Variants in GSG1L observed in about 807,000 individuals in gnomAD.
GSG1L encodes germ cell-specific gene 1-like protein.
In GSG1L, 24 loss-of-function variants were observed where a neutral mutation model predicts 42.1. That is an observed-to-expected ratio of 0.57 (90% CI 0.41 to 0.80). GSG1L has a LOEUF of 0.80. Among genes scored for constraint, GSG1L ranks in the 30% least tolerant of loss-of-function variants. GSG1L has a pLI of 0.00. For missense variants in GSG1L, 445 were observed against 472.2 expected, an observed-to-expected ratio of 0.94 and a Z score of 0.53; for synonymous variants, 215 against 203.5, an observed-to-expected ratio of 1.06 and a Z score of -0.48.
At chr16:27,906,185 G>A (rs1458732296) in intron 2 of GSG1L, among the ~76,000 whole-genome samples, 3 of 152,074 alleles carry the variant, frequency 2.0e-5, no homozygotes, top group Non-Finnish European at 2.9e-5. Context: ...AGAAACCAAC[G>A]TAGTTAAAAT....
chr16:27,903,156 G>A (rs1306603202), intron 2 of GSG1L, among the ~76,000 whole-genome samples: 4 of 152,096 alleles, frequency 2.6e-5, no homozygotes, highest in African/African-American at 7.2e-5. Context: ...CCCAGGGGGC[G>A]GGAGCCTGGA....
chr16:27,954,380 C>A (rs2084983652), intron 2 of GSG1L, among the ~76,000 whole-genome samples: 1 of 152,166 alleles, frequency 6.6e-6, no homozygotes, highest in African/African-American at 2.4e-5. Context: ...GTTGACTACC[C>A]GCATGGAGGA....
intron 1 of GSG1L, among the ~76,000 whole-genome samples, chr16:28,056,172 C>G (rs756335307): frequency 2.6e-5 from 4 of 152,042 alleles, no homozygotes; most frequent in Non-Finnish European, 4.4e-5. Context: ...CATGCACAGG[C>G]GTGTTTATTG....
At chr16:27,860,598 G>A (rs2083636413) in intron 3 of GSG1L, among the ~76,000 whole-genome samples, 1 of 152,222 alleles carries the variant, frequency 6.6e-6, no homozygotes, top group African/African-American at 2.4e-5. Flanking sequence ...TTCTGATCCT[G>A]GGGAAAGCAC....
At chr16:28,009,929 G>C (rs757475232) in intron 1 of GSG1L, among the ~76,000 whole-genome samples, 1 of 152,216 alleles carries the variant, frequency 6.6e-6, no homozygotes, top group Non-Finnish European at 1.5e-5. Flanking sequence ...TGACTTTGTG[G>C]AGAAAAATGT....
intron 1 of GSG1L, among the ~76,000 whole-genome samples, chr16:28,004,801 T>G (rs28751971): frequency 0.19 from 28,184 of 150,384 alleles, 2,730 homozygotes; most frequent in South Asian, 0.34. Context: ...AAATAAAAGA[T>G]AGAGAAAAAA....
At chr16:27,868,593 GT>G (rs1379656885) in intron 3 of GSG1L, among the ~76,000 whole-genome samples, 1 of 134,086 alleles carries the variant, frequency 7.5e-6, no homozygotes, top group Admixed American at 7.5e-5. Context: ...GGCAAGAGCT[GT>G]AAAAAAAAAA....
Position 27,896,168 on chromosome 16 carries a change from C to T in GSG1L, c.398-11530G>A, listed in dbSNP as rs571963673. The stretch of plus-strand genomic sequence containing the variant: ...ATGGGTGGGGCATGCTGGAGGCGTG[C>T]GGGAAATGAGATGTTCAGCCTGCAG... On this transcript the variant is annotated intron_variant, in intron 2 of 6. Coordinates refer to ENST00000447459, the MANE Select transcript of GSG1L (RefSeq NM_001109763.2). 3.3e-5 allele frequency among the ~76,000 whole-genome samples: 5 copies of T among 152,194 alleles called. No individual in the cohort carries two copies. In the East Asian group the frequency reaches 9.6e-4, roughly 29 times the overall value.
At chr16:27,903,038 AT>A (rs1183377510) in intron 2 of GSG1L, among the ~76,000 whole-genome samples, 1 of 151,838 alleles carries the variant, frequency 6.6e-6, no homozygotes, top group Non-Finnish European at 1.5e-5. Context: ...GGCTGCAGGG[AT>A]CCAGAAGGGA....
intron 2 of GSG1L, among the ~76,000 whole-genome samples, chr16:27,959,876 TA>T: frequency 1.3e-5 from 2 of 152,204 alleles, no homozygotes; most frequent in Non-Finnish European, 2.9e-5. Flanking sequence ...GGAATCCGGA[TA>T]AAAAATGGTT....
intron 1 of GSG1L, among the ~76,000 whole-genome samples, chr16:28,018,371 C>T (rs542434337): frequency 3.3e-5 from 5 of 152,306 alleles, no homozygotes; most frequent in South Asian, 4.1e-4. Context: ...AAGATGGCTG[C>T]GGTAGCTCCA....
intron 5 of GSG1L, among the ~76,000 whole-genome samples, chr16:27,828,323 C>G (rs1212102302): frequency 6.6e-6 from 1 of 152,216 alleles, no homozygotes; most frequent in Non-Finnish European, 1.5e-5. Flanking sequence ...GTCACCTCCT[C>G]TAATCCCAGC....
At chr16:28,031,443 G>C (rs2085963416) in intron 1 of GSG1L, among the ~76,000 whole-genome samples, 1 of 151,856 alleles carries the variant, frequency 6.6e-6, no homozygotes, top group Admixed American at 6.6e-5. Context: ...TGGGATGATG[G>C]GATGGGATGG....
chr16:27,868,455 C>T (rs1353433356), intron 3 of GSG1L, among the ~76,000 whole-genome samples: 1 of 152,238 alleles, frequency 6.6e-6, no homozygotes, highest in Non-Finnish European at 1.5e-5. Flanking sequence ...GGCCATTCCT[C>T]CAAGGCTAAT....
chr16:28,011,209 G>C (rs2085713248), intron 1 of GSG1L, among the ~76,000 whole-genome samples: 1 of 152,230 alleles, frequency 6.6e-6, no homozygotes, highest in African/African-American at 2.4e-5. Context: ...GAAAGGAAGG[G>C]ATGTTCTCAG....
At chr16:28,049,333 C>A (rs1460232243) in intron 1 of GSG1L, among the ~76,000 whole-genome samples, 1 of 152,072 alleles carries the variant, frequency 6.6e-6, no homozygotes, top group African/African-American at 2.4e-5. Flanking sequence ...ATTTGCAACT[C>A]TTGATGAAGA....
chr16:27,818,860 C>G (rs1210632383), intron 5 of GSG1L, among the ~76,000 whole-genome samples: 1 of 151,800 alleles, frequency 6.6e-6, no homozygotes, highest in Non-Finnish European at 1.5e-5. Flanking sequence ...GAAAATAACA[C>G]AGAAGGAGAT....
chr16:28,063,601 C>CGGCGCGGGG lies in GSG1L; in HGVS notation c.-186_-178dup, dbSNP rs2086372738. On this transcript the variant is annotated 5_prime_UTR_variant, in exon 1 of 7. Coordinates refer to ENST00000447459, the MANE Select transcript of GSG1L (RefSeq NM_001109763.2). The surrounding 1 kb of genome is among the most constrained non-coding windows in gnomAD (Gnocchi z 5.8). ...CCCCCCCAACCCCGGGGTGGGGGCGCGGCGCGGGGGGCGTGCGGGGCGGGC... is the reference window on the plus strand; with the variant it reads ...CCCCCCCAACCCCGGGGTGGGGGCGCGGCGCGGGGGGCGCGGGGGGCGTGCGGGGCGGGC... 6.1e-6 allele frequency: 1 copy of CGGCGCGGGG among 164,750 alleles called. No individual in the cohort carries two copies. Among genetic ancestry groups the CGGCGCGGGG allele is most frequent in the South Asian group, 1.7e-4 (1 of 5,932 alleles). 10.2% of individuals were successfully genotyped at this position (164,750 alleles called of 1,614,324 possible). A position where few individuals can be genotyped will look rare whatever the true frequency, so the allele number is the denominator to read the frequency against.
At chr16:27,851,787 T>C (rs561386310) in intron 3 of GSG1L, among the ~76,000 whole-genome samples, 2 of 152,310 alleles carry the variant, frequency 1.3e-5, no homozygotes, top group Middle Eastern at 3.4e-3. Flanking sequence ...TCAGGGCCTC[T>C]TGAGTCCAGA....
Sources: gnomAD v4.1 joint callset for allele counts (sites outside exome capture counted in the v4.1 genomes callset) on GRCh38, gnomAD v4.1.1 for gene constraint, Gnocchi (gnomAD v3.1) non-coding constraint, MANE v1.5 for transcripts, NCBI Gene and HGNC (gene_info 2026-07-23, HGNC 2026-07-21) for gene names.